KAT6B: variants seen among roughly 807,000 people sequenced by gnomAD.
KAT6B encodes the protein lysine acetyltransferase 6B.
A neutral mutation model predicts 187.5 loss-of-function variants in KAT6B; 10 were observed. That is an observed-to-expected ratio of 0.05 (90% CI 0.03 to 0.09). The LOEUF is 0.09. KAT6B is among the 10% of genes least tolerant of loss of function. The pLI, the probability that KAT6B is intolerant of heterozygous loss-of-function variation, is 1.00. For missense variants in KAT6B, 1,952 were observed against 2,558.9 expected (o/e 0.76, Z 5.12); for synonymous variants, 861 against 926.8 (o/e 0.93, Z 1.29).
intron 13 of KAT6B, among the ~76,000 whole-genome samples, chr10:74,993,742 A>G (rs1348268827): frequency 6.6e-6 from 1 of 151,976 alleles, no homozygotes; most frequent in East Asian, 1.9e-4. Context: ...CATGATTTTG[A>G]TATTTTTTAA....
chr10:74,829,819 C>G (rs1221267219), intron 1 of KAT6B, among the ~76,000 whole-genome samples: 1 of 151,310 alleles, frequency 6.6e-6, no homozygotes, highest in Non-Finnish European at 1.5e-5. Flanking sequence ...GAAATCAAGA[C>G]CATCCTGGCC....
At chr10:74,994,200 AT>A (rs1264405008) in intron 13 of KAT6B, among the ~76,000 whole-genome samples, 5 of 151,968 alleles carry the variant, frequency 3.3e-5, no homozygotes, top group African/African-American at 1.2e-4. Flanking sequence ...CATTTATTTA[AT>A]TTTTTTGTAT....
At chr10:74,909,009 G>A (rs540681499) in intron 3 of KAT6B, among the ~76,000 whole-genome samples, 1 of 152,222 alleles carries the variant, frequency 6.6e-6, no homozygotes, top group South Asian at 2.1e-4. Context: ...AGAGGTTGAG[G>A]GAAAAGTAAC....
At chr10:75,000,343 AG>A (rs1843743344) in intron 13 of KAT6B, among the ~76,000 whole-genome samples, 1 of 152,048 alleles carries the variant, frequency 6.6e-6, no homozygotes, top group Non-Finnish European at 1.5e-5. Context: ...GAAAAAATCG[AG>A]GGGAAAACAA....
intron 3 of KAT6B, among the ~76,000 whole-genome samples, chr10:74,847,680 T>C (rs1307914680): frequency 6.6e-6 from 1 of 151,466 alleles, no homozygotes; most frequent in Non-Finnish European, 1.5e-5. Flanking sequence ...AAAAAATAAA[T>C]AAATAAAATA....
chr10:74,832,794 C>T (rs1199870038), intron 1 of KAT6B, among the ~76,000 whole-genome samples: 1 of 152,008 alleles, frequency 6.6e-6, no homozygotes, highest in Non-Finnish European at 1.5e-5. Context: ...GCCACCAAGC[C>T]TGGCCTTGTA....
At chr10:74,960,902 T>G (rs944906758) in intron 4 of KAT6B, among the ~76,000 whole-genome samples, 1 of 152,204 alleles carries the variant, frequency 6.6e-6, no homozygotes, top group East Asian at 1.9e-4. Context: ...ATTTAAAATC[T>G]TATCATCACT....
At chr10:74,971,726 G>A (rs1467972042) in intron 6 of KAT6B, among the ~76,000 whole-genome samples, 2 of 151,942 alleles carry the variant, frequency 1.3e-5, no homozygotes, top group Admixed American at 6.5e-5. Flanking sequence ...TTAAATGTCA[G>A]TCATGCTTAG....
chr10:74,842,981 T>C lies in KAT6B; in HGVS notation c.124T>C (p.Leu42=), dbSNP rs974079395. Reference sequence around the variant, plus strand: ...CCATGCGGTCAGTACTTCCCATGGGTTGGATAAGAAGACAGTCTCTGAACA... The same window carrying C: ...CCATGCGGTCAGTACTTCCCATGGGCTGGATAAGAAGACAGTCTCTGAACA... ...ICHAVSTSHG[L]DKKTVSEQLE... Residue 42 remains leucine, a synonymous_variant, in exon 3 of 18, where the codon TTG becomes CTG. Transcript: ENST00000287239. 1.2e-6 allele frequency: 2 copies of C among 1,613,998 alleles called. No homozygotes were observed. Among genetic ancestry groups the C allele is most frequent in the Admixed American group, 1.7e-5 (1 of 59,984 alleles).
chr10:74,900,994 T>TTA (rs1273481378), intron 3 of KAT6B, among the ~76,000 whole-genome samples: 2 of 152,150 alleles, frequency 1.3e-5, no homozygotes, highest in Non-Finnish European at 2.9e-5. Context: ...TTTGAAATGT[T>TTA]TATATATATA....
intron 1 of KAT6B, among the ~76,000 whole-genome samples, chr10:74,838,249 A>C (rs981353121): frequency 6.6e-6 from 1 of 152,212 alleles, no homozygotes; most frequent in African/African-American, 2.4e-5. Flanking sequence ...TTTGGGACAA[A>C]CAGCGAATGC....
chr10:74,898,289 G>C (rs886596705), intron 3 of KAT6B, among the ~76,000 whole-genome samples: 1 of 152,152 alleles, frequency 6.6e-6, no homozygotes, highest in Non-Finnish European at 1.5e-5. Flanking sequence ...GCTTCTACCT[G>C]TGCTATGACT....
rs377546147 is a variant in KAT6B, at chr10:74,902,482, G to C, written c.622-57488G>C. ...TTCTAAGAGTACCATATGCTTACTG[G>C]GGAAAAATGAGAAAATTTAAAAAAC... On this transcript the variant is annotated intron_variant, in intron 3 of 17. Transcript: ENST00000287239. Among the ~76,000 whole-genome samples, 4 of 152,134 alleles carry C rather than the reference G, an allele frequency of 2.6e-5. No individual in the cohort carries two copies. The South Asian group carries it at 6.2e-4, about 24-fold the overall frequency.
rs1842088793 is a variant in KAT6B at position 74,975,431 on chromosome 10, C to T, written c.1094C>T (p.Ala365Val). Reference sequence around the variant, plus strand: ...ACCAGTGATGAAGGATCCATGAATGCATTCACAGGAAGGGGGTCACCTGGT... The same window carrying T: ...ACCAGTGATGAAGGATCCATGAATGTATTCACAGGAAGGGGGTCACCTGGT... ...SVTSDEGSMN[A>V]FTGRGSPGRG... The change falls in exon 8 of 18, where the codon GCA (alanine) becomes GTA (valine). Residue 365 changes from alanine (A) to valine (V), a missense_variant. Physicochemically the swap from Ala to Val is moderately conservative, Grantham distance 64. This residue lies in a region of KAT6B where 417 missense variants were observed against 508.9 expected (regional missense o/e 0.82). Transcript: ENST00000287239. 6.2e-7 allele frequency: 1 copy of T among 1,614,088 alleles called. No homozygotes were observed. The highest frequency in any genetic ancestry group is 8.5e-7 in the Non-Finnish European group (1 of 1,179,970).
At chr10:74,891,074 A>G (rs994272978) in intron 3 of KAT6B, among the ~76,000 whole-genome samples, 1 of 152,250 alleles carries the variant, frequency 6.6e-6, no homozygotes, top group Non-Finnish European at 1.5e-5. Context: ...ATTACTGAGC[A>G]AGATTAGTGG....
At chr10:74,899,203 T>C (rs1846207209) in intron 3 of KAT6B, among the ~76,000 whole-genome samples, 4 of 150,540 alleles carry the variant, frequency 2.7e-5, no homozygotes, top group Admixed American at 2.7e-4. Flanking sequence ...AAATAAAATG[T>C]TTTTCATGTA....
chr10:74,884,677 T>G (rs1845105233), intron 3 of KAT6B, among the ~76,000 whole-genome samples: 1 of 152,132 alleles, frequency 6.6e-6, no homozygotes, highest in South Asian at 2.1e-4. Flanking sequence ...CAAGTGATTC[T>G]TCTGCCTCAG....
At chr10:74,846,060 C>G (rs1842079626) in intron 3 of KAT6B, among the ~76,000 whole-genome samples, 1 of 151,972 alleles carries the variant, frequency 6.6e-6, no homozygotes, top group Non-Finnish European at 1.5e-5. Flanking sequence ...GATGAGGTTT[C>G]TCGATGTTGC....
intron 13 of KAT6B, among the ~76,000 whole-genome samples, chr10:75,011,876 G>A (rs1227749931): frequency 6.6e-6 from 1 of 152,160 alleles, no homozygotes; most frequent in East Asian, 1.9e-4. Flanking sequence ...CGTCAGTTCA[G>A]AGATTTGCCT....
Sources: allele counts gnomAD v4.1 joint callset (sites outside exome capture counted in the v4.1 genomes callset), GRCh38; gene constraint gnomAD v4.1.1; regional missense constraint gnomAD v4.1.1; transcripts MANE v1.5; gene names NCBI Gene and HGNC (gene_info 2026-07-23, HGNC 2026-07-21).